Variants in C7orf78 observed in about 807,000 individuals in gnomAD.
C7orf78 encodes putative uncharacterized protein C7orf78.
At chr7:12,509,765 C>G in the C7orf78 span, among the ~76,000 whole-genome samples, 8 of 152,322 alleles carry the variant, frequency 5.3e-5, no homozygotes, top group East Asian at 9.7e-4. Context: ...ATAATGACTT[C>G]TATCTCCATC....
chr7:12,489,311 C>T, the C7orf78 span, among the ~76,000 whole-genome samples: 1 of 151,990 alleles, frequency 6.6e-6, no homozygotes, highest in South Asian at 2.1e-4. Flanking sequence ...GCTCAAGTGT[C>T]TTTAACTCAG....
the C7orf78 span, among the ~76,000 whole-genome samples, chr7:12,502,828 CA>C: frequency 7.6e-6 from 1 of 131,104 alleles, no homozygotes; most frequent in African/African-American, 3.2e-5. Flanking sequence ...GACTTGGAAC[CA>C]ACCCAAATGT....
chr7:12,534,917 G>A, the C7orf78 span, among the ~76,000 whole-genome samples: 56 of 151,444 alleles, frequency 3.7e-4, 1 homozygote, highest in South Asian at 2.1e-4. Context: ...ACTGCATTCC[G>A]GCCTGGGGGA....
chr7:12,491,947 T>A, the C7orf78 span: 3 of 152,198 alleles, frequency 2.0e-5, no homozygotes, highest in African/African-American at 7.2e-5. Flanking sequence ...TAATCTTGAG[T>A]AATTCTAAGT....
the C7orf78 span, among the ~76,000 whole-genome samples, chr7:12,535,756 T>C: frequency 6.6e-6 from 1 of 152,156 alleles, no homozygotes; most frequent in Admixed American, 6.5e-5. Flanking sequence ...ACTGGGTAAA[T>C]ACAGCAATTC....
At chr7:12,503,834 G>T in the C7orf78 span, among the ~76,000 whole-genome samples, 1 of 152,116 alleles carries the variant, frequency 6.6e-6, no homozygotes, top group Non-Finnish European at 1.5e-5. Context: ...CAGAGGCTGA[G>T]TGTGGTAGCT....
chr7:12,530,844 C>T, the C7orf78 span, among the ~76,000 whole-genome samples: 2 of 152,284 alleles, frequency 1.3e-5, no homozygotes, highest in Admixed American at 6.5e-5. Context: ...GCCCTAGTCA[C>T]ATAAGGATGC....
At chr7:12,526,499 A>C in the C7orf78 span, among the ~76,000 whole-genome samples, 1 of 152,124 alleles carries the variant, frequency 6.6e-6, no homozygotes, top group South Asian at 2.1e-4. Flanking sequence ...ATTATATATA[A>C]ATTAACCAAT....
the C7orf78 span, among the ~76,000 whole-genome samples, chr7:12,507,899 T>C: frequency 6.6e-6 from 1 of 152,248 alleles, no homozygotes. Context: ...ATCTTTAATT[T>C]ACCAGACCGT....
At chr7:12,493,360 T>C in the C7orf78 span, among the ~76,000 whole-genome samples, 1 of 152,320 alleles carries the variant, frequency 6.6e-6, no homozygotes, top group South Asian at 2.1e-4. Flanking sequence ...TGCTAACAGA[T>C]AAAATAAAAT....
At chr7:12,498,267 C>T in the C7orf78 span, among the ~76,000 whole-genome samples, 2 of 151,950 alleles carry the variant, frequency 1.3e-5, no homozygotes, top group East Asian at 3.9e-4. Context: ...AAGAAGGCTT[C>T]GGACGATCAA....
At chr7:12,537,928 G>A in the C7orf78 span, among the ~76,000 whole-genome samples, 6 of 151,986 alleles carry the variant, frequency 3.9e-5, no homozygotes, top group African/African-American at 1.5e-4. Flanking sequence ...ACACATATCT[G>A]TATATACTGC....
the C7orf78 span, chr7:12,541,468 C>G: frequency 2.0e-5 from 3 of 151,846 alleles, no homozygotes; most frequent in Admixed American, 2.0e-4. Context: ...AAGGTAGCAA[C>G]CAGAATTGAA....
the C7orf78 span, among the ~76,000 whole-genome samples, chr7:12,497,294 T>C: frequency 6.6e-6 from 1 of 152,194 alleles, no homozygotes; most frequent in African/African-American, 2.4e-5. Flanking sequence ...GGGTGATTTC[T>C]GCATTTCCAT....
At chr7:12,522,792 G>A in the C7orf78 span, among the ~76,000 whole-genome samples, 7 of 152,132 alleles carry the variant, frequency 4.6e-5, no homozygotes, top group African/African-American at 1.7e-4. Flanking sequence ...TGACAAAGGT[G>A]CTGAATAAAT....
the C7orf78 span, among the ~76,000 whole-genome samples, chr7:12,515,619 T>C: frequency 6.6e-6 from 1 of 152,178 alleles, no homozygotes; most frequent in Admixed American, 6.5e-5. Flanking sequence ...GTGTGAAAGT[T>C]TGGAAATTCC....
chr7:12,504,600 T>A, the C7orf78 span: 2 of 152,186 alleles, frequency 1.3e-5, no homozygotes, highest in Admixed American at 6.5e-5. Flanking sequence ...GTTTTTATTT[T>A]GAATTCTTCT....
At chr7:12,511,774 T>C in the C7orf78 span, among the ~76,000 whole-genome samples, 2 of 152,016 alleles carry the variant, frequency 1.3e-5, no homozygotes, top group East Asian at 3.8e-4. Context: ...GTTTTTAAGA[T>C]GGAGTCTTGC....
At chr7:12,486,419 T>C in the C7orf78 span, among the ~76,000 whole-genome samples, 1 of 151,970 alleles carries the variant, frequency 6.6e-6, no homozygotes, top group African/African-American at 2.4e-5. Context: ...ATTTGCTCTT[T>C]GGTGCCTTAG....
Sources: gnomAD v4.1 joint callset for allele counts (sites outside exome capture counted in the v4.1 genomes callset) on GRCh38, gnomAD v4.1.1 for gene constraint, MANE v1.5 for transcripts, NCBI Gene and HGNC (gene_info 2026-07-23, HGNC 2026-07-21) for gene names.